CASK: variants seen among roughly 807,000 people sequenced by gnomAD.
CASK encodes calcium/calmodulin dependent serine protein kinase.
A neutral mutation model predicts 82.9 loss-of-function variants in CASK; 4 were observed. The ratio of observed to expected loss-of-function variants is 0.05; its 90% CI spans 0.02 to 0.11. The LOEUF is 0.11. CASK is among the 10% of genes least tolerant of loss of function. The pLI is 1.00. For missense variants in CASK, 358 were observed against 720.9 expected, an observed-to-expected ratio of 0.50 and a Z score of 5.76; for synonymous variants, 259 against 253.5, an observed-to-expected ratio of 1.02 and a Z score of -0.20.
intron 2 of CASK, among the ~76,000 whole-genome samples, chrX:41,811,966 T>C (rs1450558790): frequency 1.8e-5 from 2 of 111,574 alleles, no homozygotes; most frequent in African/African-American, 6.5e-5. Context: ...AACACCTCTA[T>C]GCAAATAAAC....
At chrX:41,872,298 C>T (rs1030897380) in intron 1 of CASK, among the ~76,000 whole-genome samples, 10 of 112,175 alleles carry the variant, frequency 8.9e-5, no homozygotes, top group African/African-American at 2.9e-4. Context: ...TCAGGTTATG[C>T]TAAATGACTA....
chrX:41,790,385 C>T (rs1027462382), intron 2 of CASK: 2 of 151,780 alleles, frequency 1.3e-5, no homozygotes, highest in Admixed American at 1.8e-4. Context: ...ATTTTTATCT[C>T]CACATTCACC....
intron 3 of CASK, among the ~76,000 whole-genome samples, chrX:41,776,974 T>A (rs1050442176): frequency 8.9e-6 from 1 of 112,014 alleles, no homozygotes; most frequent in African/African-American, 3.2e-5. Context: ...TGCAGACAAG[T>A]ACATCCCTTA....
Position 41,520,443 on chromosome X carries a change from C to T in CASK, c.2758G>A (p.Val920Ile). 1 of 1,209,032 alleles carries T rather than the reference C, an allele frequency of 8.3e-7. No homozygotes were observed. The highest frequency in any genetic ancestry group is 1.1e-6 in the Non-Finnish European group (1 of 893,514). Residue 920 changes from valine to isoleucine, a missense_variant, in exon 27 of 27, where the codon GTC becomes ATC. By Grantham distance (29) the Val-to-Ile change is conservative. This residue lies in a region of CASK where 118 missense variants were observed against 169.4 expected (regional missense o/e 0.70). Coordinates refer to ENST00000378163, the MANE Select transcript of CASK (RefSeq NM_001367721.1). ...GCCTAATAGACCCAGGAGACAGGGA[C>T]CCACTGTGGGGCTGTGCACACGAGC... Reference protein sequence around the residue: ...VELVCTAPQWVPVSWVY With the variant: ...VELVCTAPQWIPVSWVY
chrX:41,853,463 T>C (rs2147972020), intron 1 of CASK, among the ~76,000 whole-genome samples: 1 of 112,100 alleles, frequency 8.9e-6, no homozygotes, highest in South Asian at 3.7e-4. Flanking sequence ...GACCAATAAA[T>C]TTGCAATTTG....
At chrX:41,625,433 G>A (rs1453783065) in intron 10 of CASK, among the ~76,000 whole-genome samples, 1 of 110,608 alleles carries the variant, frequency 9.0e-6, no homozygotes, top group Non-Finnish European at 1.9e-5. Context: ...TCATCTGCCC[G>A]CCTCGGCCTC....
At chrX:41,686,405 T>TTC (rs2067441740) in intron 5 of CASK, among the ~76,000 whole-genome samples, 1 of 102,287 alleles carries the variant, frequency 9.8e-6, no homozygotes, top group African/African-American at 3.5e-5. Flanking sequence ...CTTTCTTTCT[T>TTC]TTTTTTTTTT....
At chrX:41,869,831 A>AAAAAAG in intron 1 of CASK, among the ~76,000 whole-genome samples, 1 of 103,118 alleles carries the variant, frequency 9.7e-6, no homozygotes, top group African/African-American at 3.5e-5. Context: ...AAAAAAAAAA[A>AAAAAAG]AAAAAGCCAA....
intron 5 of CASK, among the ~76,000 whole-genome samples, chrX:41,679,859 G>T (rs2067321994): frequency 9.0e-6 from 1 of 111,501 alleles, no homozygotes; most frequent in South Asian, 3.7e-4. Flanking sequence ...CCCCAGATCT[G>T]GAATCAGCCA....
chrX:41,682,612 T>A (rs1398938935), intron 5 of CASK, among the ~76,000 whole-genome samples: 1 of 99,806 alleles, frequency 1.0e-5, no homozygotes, highest in Non-Finnish European at 2.0e-5. Flanking sequence ...TTTGATAAAT[T>A]TTTTTTTTTT....
chrX:41,524,567 A>G, intron 25 of CASK: 1 of 136,367 alleles, frequency 7.3e-6, no homozygotes, highest in Non-Finnish European at 1.4e-5. Context: ...CCAGGGCTGG[A>G]GTTAGGAGCC....
At chrX:41,809,013 G>A (rs1345387868) in intron 2 of CASK, among the ~76,000 whole-genome samples, 1 of 112,331 alleles carries the variant, frequency 8.9e-6, no homozygotes, top group Admixed American at 9.4e-5. Flanking sequence ...GTCTGAGATC[G>A]AACTGCAAGG....
At chrX:41,817,371 T>C (rs1434414403) in intron 2 of CASK, among the ~76,000 whole-genome samples, 1 of 111,881 alleles carries the variant, frequency 8.9e-6, no homozygotes, top group Non-Finnish European at 1.9e-5. Context: ...AGCCAGTCAG[T>C]GCAATAAGGC....
At chrX:41,697,655 G>A (rs746352956) in intron 5 of CASK, 30 of 111,651 alleles carry the variant, frequency 2.7e-4, no homozygotes, top group African/African-American at 6.2e-4. Flanking sequence ...ATCATGTAGC[G>A]ATGCAATGAA....
chrX:41,691,896 C>G (rs1219569437), intron 5 of CASK, among the ~76,000 whole-genome samples: 1 of 96,044 alleles, frequency 1.0e-5, no homozygotes, highest in African/African-American at 3.9e-5. Flanking sequence ...AAGATCATAA[C>G]CTCTTGAACT....
At chrX:41,800,524 T>A (rs1271045229) in intron 2 of CASK, among the ~76,000 whole-genome samples, 1 of 110,864 alleles carries the variant, frequency 9.0e-6, no homozygotes, top group Admixed American at 9.6e-5. Context: ...TATTATACTT[T>A]AAGTTTTAGG....
intron 5 of CASK, among the ~76,000 whole-genome samples, chrX:41,734,472 A>G (rs780615120): frequency 8.9e-6 from 1 of 111,818 alleles, no homozygotes; most frequent in Non-Finnish European, 1.9e-5. Flanking sequence ...GGGTGAGAGG[A>G]AGAAAAAAAA....
intron 5 of CASK, among the ~76,000 whole-genome samples, chrX:41,671,858 CCTTT>C (rs774801917): frequency 1.2e-4 from 13 of 111,633 alleles, no homozygotes; most frequent in Admixed American, 2.9e-4. Flanking sequence ...ATATTGTCTT[CCTTT>C]GAGTGACAGT....
At chrX:41,710,811 C>T (rs775253099) in intron 5 of CASK, among the ~76,000 whole-genome samples, 58 of 111,518 alleles carry the variant, frequency 5.2e-4, no homozygotes, top group African/African-American at 1.7e-3. Context: ...AATTAATCTC[C>T]AATGGCCAAT....
Sources: allele counts gnomAD v4.1 joint callset (sites outside exome capture counted in the v4.1 genomes callset), GRCh38; gene constraint gnomAD v4.1.1; regional missense constraint gnomAD v4.1.1; transcripts MANE v1.5; gene names NCBI Gene and HGNC (gene_info 2026-07-23, HGNC 2026-07-21).